KCNIP4: variants seen among roughly 807,000 people sequenced by gnomAD.
The protein encoded by KCNIP4 is Kv channel-interacting protein 4.
In KCNIP4, 12 loss-of-function variants were observed where a neutral mutation model predicts 34.0. The ratio of observed to expected loss-of-function variants is 0.35; its 90% confidence interval spans 0.23 to 0.57. The LOEUF (loss-of-function observed/expected upper bound fraction) is 0.57, where lower values mean the gene tolerates loss of function less well. Ranked by LOEUF, KCNIP4 falls within the 20% of genes least tolerant of loss-of-function variation. The probability of loss-of-function intolerance (pLI) is 0.83; values close to 1 mark genes in which losing one functional copy is unlikely to be tolerated. For synonymous variants in KCNIP4, 124 were observed against 102.2 expected (o/e 1.21, Z -1.29); for missense variants, 238 against 311.7 (o/e 0.76, Z 1.78).
chr4:21,127,908 G>A (rs1220309601), intron 1 of KCNIP4, among the ~76,000 whole-genome samples: 2 of 152,192 alleles, frequency 1.3e-5, no homozygotes, highest in African/African-American at 4.8e-5. Flanking sequence ...AGGCTTTGGA[G>A]CCAAAAAGTT....
intron 1 of KCNIP4, among the ~76,000 whole-genome samples, chr4:21,219,878 G>T (rs997720355): frequency 2.0e-5 from 3 of 152,050 alleles, no homozygotes; most frequent in Non-Finnish European, 2.9e-5. Context: ...TTCAGAAAAA[G>T]AAATATTAAA....
At chr4:21,120,749 C>G (rs1750086864) in intron 1 of KCNIP4, among the ~76,000 whole-genome samples, 1 of 152,156 alleles carries the variant, frequency 6.6e-6, no homozygotes, top group Non-Finnish European at 1.5e-5. Flanking sequence ...GATTAAAATT[C>G]AAGATGAGAT....
intron 1 of KCNIP4, among the ~76,000 whole-genome samples, chr4:21,519,532 G>GCATATACACA (rs1735192676): frequency 2.0e-5 from 2 of 99,952 alleles, no homozygotes; most frequent in Non-Finnish European, 4.2e-5. Context: ...GTGTGTATGT[G>GCATATACACA]TATGTGTATA....
chr4:21,089,224 CTGTTCTCATGA>C (rs1055048088), intron 1 of KCNIP4, among the ~76,000 whole-genome samples: 4 of 152,108 alleles, frequency 2.6e-5, no homozygotes, highest in Middle Eastern at 3.2e-3. Context: ...TTCCCCCTTG[CTGTTCTCATGA>C]TAGTGAGTGA....
chr4:20,991,160 G>C (rs1028900636), intron 1 of KCNIP4, among the ~76,000 whole-genome samples: 7 of 152,192 alleles, frequency 4.6e-5, no homozygotes, highest in Non-Finnish European at 8.8e-5. Flanking sequence ...CATTGGAGGG[G>C]AAGTATGTGT....
chr4:20,926,962 AT>A (rs1309955797), intron 1 of KCNIP4, among the ~76,000 whole-genome samples: 5 of 151,934 alleles, frequency 3.3e-5, no homozygotes, highest in Non-Finnish European at 7.4e-5. Context: ...TCTTATTGTA[AT>A]TTTCTTTCTT....
At chr4:21,536,590 C>T (rs1194450125) in intron 1 of KCNIP4, among the ~76,000 whole-genome samples, 1 of 152,000 alleles carries the variant, frequency 6.6e-6, no homozygotes, top group African/African-American at 2.4e-5. Flanking sequence ...AACAGTCTGG[C>T]CAACATTGCA....
intron 1 of KCNIP4, among the ~76,000 whole-genome samples, chr4:21,525,887 G>T (rs937085991): frequency 6.6e-5 from 10 of 152,116 alleles, no homozygotes; most frequent in African/African-American, 2.4e-4. Context: ...AATCAGGTAA[G>T]AGTTTATCTT....
intron 3 of KCNIP4, among the ~76,000 whole-genome samples, chr4:20,796,225 C>G (rs1713437878): frequency 6.6e-6 from 1 of 152,188 alleles, no homozygotes; most frequent in Non-Finnish European, 1.5e-5. Context: ...CTCTGACTCT[C>G]AAACATTCTG....
intron 1 of KCNIP4, among the ~76,000 whole-genome samples, chr4:21,453,351 A>G (rs1728669824): frequency 6.6e-6 from 1 of 152,112 alleles, no homozygotes; most frequent in African/African-American, 2.4e-5. Flanking sequence ...TACCTAGTGA[A>G]CATAATCTCA....
At chr4:21,013,422 A>C (rs949573289) in intron 1 of KCNIP4, among the ~76,000 whole-genome samples, 7 of 152,046 alleles carry the variant, frequency 4.6e-5, no homozygotes, top group Admixed American at 3.3e-4. Flanking sequence ...GGCAGGGTTA[A>C]ATTCCCCTCA....
chr4:21,883,168 T>TC (rs959344509), intron 1 of KCNIP4, among the ~76,000 whole-genome samples: 1 of 151,332 alleles, frequency 6.6e-6, no homozygotes, highest in African/African-American at 2.4e-5. Flanking sequence ...TGTTTTTTTT[T>TC]TTTTTTTATA....
chr4:21,101,041 C>G (rs568884639), intron 1 of KCNIP4, among the ~76,000 whole-genome samples: 64 of 152,076 alleles, frequency 4.2e-4, no homozygotes, highest in Non-Finnish European at 8.4e-4. Context: ...GAAGCCTGGG[C>G]TTTTAGTAAA....
At chr4:21,052,242 C>T (rs1215199387) in intron 1 of KCNIP4, among the ~76,000 whole-genome samples, 2 of 152,130 alleles carry the variant, frequency 1.3e-5, no homozygotes, top group Non-Finnish European at 2.9e-5. Flanking sequence ...CTAAGAATTC[C>T]AAACTCCTTG....
At chr4:21,635,062 T>A (rs1372152995) in intron 1 of KCNIP4, among the ~76,000 whole-genome samples, 1 of 152,190 alleles carries the variant, frequency 6.6e-6, no homozygotes, top group African/African-American at 2.4e-5. Context: ...TAAAATTCTA[T>A]CTTCTTTTGT....
intron 1 of KCNIP4, among the ~76,000 whole-genome samples, chr4:21,547,666 A>C (rs1460712481): frequency 6.6e-6 from 1 of 152,082 alleles, no homozygotes; most frequent in African/African-American, 2.4e-5. Context: ...TTTCTAAACA[A>C]TCTCAGATAC....
At chr4:21,664,957 T>C (rs554065597) in intron 1 of KCNIP4, among the ~76,000 whole-genome samples, 1 of 152,346 alleles carries the variant, frequency 6.6e-6, no homozygotes, top group African/African-American at 2.4e-5. Context: ...TGAAAATGGC[T>C]TGAATTTCCA....
intron 1 of KCNIP4, chr4:21,844,802 A>G (rs1723906529): frequency 6.6e-6 from 1 of 152,066 alleles, no homozygotes; most frequent in Non-Finnish European, 1.5e-5. Flanking sequence ...GTTCTATGTT[A>G]TGCTGAAATT....
intron 1 of KCNIP4, among the ~76,000 whole-genome samples, chr4:21,149,642 G>T (rs1309428173): frequency 6.6e-6 from 1 of 152,134 alleles, no homozygotes; most frequent in Non-Finnish European, 1.5e-5. Flanking sequence ...AAATTATACT[G>T]TATTAGTAAT....
Sources: gnomAD v4.1 joint callset for allele counts (sites outside exome capture counted in the v4.1 genomes callset) on GRCh38, gnomAD v4.1.1 for gene constraint, MANE v1.5 for transcripts, NCBI Gene and HGNC (gene_info 2026-07-23, HGNC 2026-07-21) for gene names.